CUBN: variants seen among roughly 807,000 people sequenced by gnomAD.
CUBN encodes cubilin, also known as 460 kDa receptor.
Under a neutral mutation model 405.3 loss-of-function variants are expected in CUBN, and 282 were observed. The observed-to-expected ratio is 0.70, with a 90% CI of 0.63 to 0.77. The LOEUF (loss-of-function observed/expected upper bound fraction) is 0.77, where lower values mean the gene tolerates loss of function less well. Ranked by LOEUF, CUBN falls within the 30% of genes least tolerant of loss-of-function variation. The probability of loss-of-function intolerance (pLI) is 0.00; values close to 1 mark genes in which losing one functional copy is unlikely to be tolerated. For missense variants in CUBN, 4,514 were observed against 4,475.2 expected, an observed-to-expected ratio of 1.01 and a Z score of -0.25; for synonymous variants, 1,684 against 1,617.0, an observed-to-expected ratio of 1.04 and a Z score of -0.99.
chr10:16,992,654 C>T (rs1833627200), intron 28 of CUBN, among the ~76,000 whole-genome samples: 1 of 152,178 alleles, frequency 6.6e-6, no homozygotes, highest in African/African-American at 2.4e-5. Flanking sequence ...CTTGATTCGG[C>T]AGAGAAATCT....
intron 43 of CUBN, among the ~76,000 whole-genome samples, chr10:16,921,858 A>G (rs765676438): frequency 6.6e-6 from 1 of 152,140 alleles, no homozygotes; most frequent in Non-Finnish European, 1.5e-5. Context: ...TGACCTCGAG[A>G]TTCCTGTTCC....
intron 28 of CUBN, among the ~76,000 whole-genome samples, chr10:16,993,650 A>G (rs909187034): frequency 6.6e-6 from 1 of 151,948 alleles, no homozygotes; most frequent in East Asian, 1.9e-4. Flanking sequence ...TTCTTAAAGA[A>G]AAATTTCTTT....
At chr10:17,089,561 C>T (rs986649808) in intron 14 of CUBN, among the ~76,000 whole-genome samples, 1 of 152,094 alleles carries the variant, frequency 6.6e-6, no homozygotes, top group African/African-American at 2.4e-5. Context: ...CATTTCTTAC[C>T]CCTCAGAATG....
chr10:16,848,985 T>C (rs890883617), intron 60 of CUBN, among the ~76,000 whole-genome samples: 1 of 152,082 alleles, frequency 6.6e-6, no homozygotes, highest in Non-Finnish European at 1.5e-5. Context: ...ATTACAGACG[T>C]GAGTCACCGC....
intron 48 of CUBN, among the ~76,000 whole-genome samples, chr10:16,910,591 T>C (rs539987652): frequency 6.6e-6 from 1 of 152,050 alleles, no homozygotes; most frequent in Non-Finnish European, 1.5e-5. Context: ...ATACCAGTCA[T>C]CCTTTCAGTA....
intron 43 of CUBN, among the ~76,000 whole-genome samples, chr10:16,924,626 TC>T (rs1842128521): frequency 6.6e-6 from 1 of 152,086 alleles, no homozygotes; most frequent in African/African-American, 2.4e-5. Context: ...CTGACATTAC[TC>T]CCTTTTTTTG....
intron 17 of CUBN, among the ~76,000 whole-genome samples, chr10:17,077,274 T>G (rs893427746): frequency 6.6e-6 from 1 of 152,268 alleles, no homozygotes; most frequent in Middle Eastern, 3.4e-3. Flanking sequence ...ATTCATCAGA[T>G]TAAACTAGTT....
At chr10:16,982,928 T>C (rs1245273954) in intron 30 of CUBN, among the ~76,000 whole-genome samples, 1 of 152,094 alleles carries the variant, frequency 6.6e-6, no homozygotes, top group Non-Finnish European at 1.5e-5. Flanking sequence ...TGAAATCACG[T>C]TTTCACAAAG....
chr10:16,872,658 C>G (rs1443697893), intron 58 of CUBN, among the ~76,000 whole-genome samples: 7 of 152,128 alleles, frequency 4.6e-5, no homozygotes, highest in Admixed American at 4.6e-4. Flanking sequence ...ACTTTTGCAG[C>G]CTTTTGTTGT....
chr10:16,915,660 T>C (rs1193378005), intron 46 of CUBN, among the ~76,000 whole-genome samples, 161 bp downstream of exon 46: 1 of 152,164 alleles, frequency 6.6e-6, no homozygotes, highest in African/African-American at 2.4e-5. Context: ...ATGGTAGAAT[T>C]GAGGGAGAGA....
At chr10:16,836,516 T>G (rs1156294653) in intron 62 of CUBN, 134 bp from the exon 63 acceptor site, 4 of 881,048 alleles carry the variant, frequency 4.5e-6, no homozygotes, top group Non-Finnish European at 7.4e-6. Flanking sequence ...TTGGAAGTGC[T>G]CTGCAAGAAG....
At chr10:17,023,450 C>A in intron 27 of CUBN, 1 of 264,700 alleles carries the variant, frequency 3.8e-6, no homozygotes, top group Non-Finnish European at 8.2e-6. Flanking sequence ...TGTTTATATT[C>A]ACACAGATGG....
intron 63 of CUBN, 136 bp from the exon 64 acceptor site, chr10:16,835,331 T>G (rs755380998): frequency 6.5e-6 from 5 of 772,284 alleles, no homozygotes; most frequent in Non-Finnish European, 1.1e-5. Flanking sequence ...TCGTTTACCT[T>G]TGAGATAATT....
intron 22 of CUBN, among the ~76,000 whole-genome samples, chr10:17,050,215 C>T (rs982970037): frequency 1.3e-5 from 2 of 152,070 alleles, no homozygotes; most frequent in African/African-American, 4.8e-5. Context: ...TTAATTCCAG[C>T]TATGACAAGC....
At chr10:17,056,333 G>A (rs987718252) in intron 22 of CUBN, among the ~76,000 whole-genome samples, 11 of 152,088 alleles carry the variant, frequency 7.2e-5, no homozygotes, top group Admixed American at 3.3e-4. Flanking sequence ...AGAAGGAGCC[G>A]GGTGCGGTGG....
intron 28 of CUBN, among the ~76,000 whole-genome samples, chr10:17,013,569 T>C (rs1385899556): frequency 1.3e-5 from 2 of 152,218 alleles, no homozygotes; most frequent in African/African-American, 4.8e-5. Flanking sequence ...GTTTTGGCAC[T>C]GAGTGCAATA....
At chr10:17,068,392 A>C (rs1342237672) in intron 20 of CUBN, 112 bp from the exon 21 acceptor site, 10 of 1,166,698 alleles carry the variant, frequency 8.6e-6, no homozygotes, top group Non-Finnish European at 6.2e-6. Flanking sequence ...AATGTTTCTT[A>C]GTTGCCACTT....
intron 28 of CUBN, among the ~76,000 whole-genome samples, chr10:17,001,689 C>T (rs576261016): frequency 1.3e-5 from 2 of 152,226 alleles, no homozygotes; most frequent in Admixed American, 1.3e-4. Flanking sequence ...ATGCACTAAG[C>T]GTTTAATCAT....
At chr10:17,018,255 C>G (rs1834392484) in intron 28 of CUBN, among the ~76,000 whole-genome samples, 2 of 152,134 alleles carry the variant, frequency 1.3e-5, no homozygotes, top group African/African-American at 2.4e-5. Context: ...GAAAGGGGTC[C>G]AGTGGTACTC....
Sources: gnomAD v4.1 joint callset for allele counts (sites outside exome capture counted in the v4.1 genomes callset) on GRCh38, gnomAD v4.1.1 for gene constraint, MANE v1.5 for transcripts, NCBI Gene and HGNC (gene_info 2026-07-23, HGNC 2026-07-21) for gene names.